The following STPG2 variants were observed in gnomAD, a reference collection of about 807,000 sequenced individuals.
STPG2 encodes sperm-tail PG-rich repeat-containing protein 2.
Under a neutral mutation model 54.2 loss-of-function variants are expected in STPG2, and 56 were observed. The observed-to-expected ratio is 1.03, with a 90% CI of 0.83 to 1.29. STPG2 has a LOEUF of 1.29. STPG2 is among the 50% of genes most tolerant of loss of function. The pLI is 0.00. For synonymous variants in STPG2, 200 were observed against 181.8 expected (o/e 1.10, Z -0.81); for missense variants, 596 against 544.9 (o/e 1.09, Z -0.93).
chr4:97,761,212 C>T (rs995891258), intron 9 of STPG2, among the ~76,000 whole-genome samples: 1 of 152,094 alleles, frequency 6.6e-6, no homozygotes, highest in African/African-American at 2.4e-5. Flanking sequence ...TCAGAATGTA[C>T]CTTATTTGGA....
chr4:97,593,660 G>C (rs982693597), intron 10 of STPG2, among the ~76,000 whole-genome samples: 1 of 152,080 alleles, frequency 6.6e-6, no homozygotes, highest in African/African-American at 2.4e-5. Flanking sequence ...CAATGCCCCT[G>C]TACCCCACCA....
At chr4:97,522,022 T>G (rs1731190440) in intron 4 of STPG2, among the ~76,000 whole-genome samples, 1 of 151,994 alleles carries the variant, frequency 6.6e-6, no homozygotes, top group Non-Finnish European at 1.5e-5. Context: ...AATGCCAAAG[T>G]AAATATGCTT....
At chr4:97,895,838 A>C (rs554723681) in intron 8 of STPG2, among the ~76,000 whole-genome samples, 8 of 151,890 alleles carry the variant, frequency 5.3e-5, no homozygotes, top group Non-Finnish European at 1.2e-4. Context: ...GAGGTTTATA[A>C]AATAATTCCC....
At chr4:97,740,208 G>A (rs544782043) in intron 9 of STPG2, among the ~76,000 whole-genome samples, 5 of 152,034 alleles carry the variant, frequency 3.3e-5, no homozygotes, top group Admixed American at 2.0e-4. Context: ...TTGATGGGAC[G>A]TATCTCAAAA....
intron 8 of STPG2, among the ~76,000 whole-genome samples, chr4:97,899,008 A>AT (rs1731066733): frequency 6.6e-6 from 1 of 151,694 alleles, no homozygotes; most frequent in Non-Finnish European, 1.5e-5. Context: ...GGGCATCCAA[A>AT]AGGAACAGAG....
intron 3 of STPG2, among the ~76,000 whole-genome samples, chr4:98,123,445 AC>A (rs1739741939): frequency 6.6e-6 from 1 of 152,130 alleles, no homozygotes; most frequent in Non-Finnish European, 1.5e-5. Context: ...TTCATTATTT[AC>A]CCAGGAGTCA....
chr4:97,749,499 T>C (rs1209485223), intron 9 of STPG2, among the ~76,000 whole-genome samples: 1 of 151,722 alleles, frequency 6.6e-6, no homozygotes, highest in East Asian at 1.9e-4. Flanking sequence ...TTAATGAAAA[T>C]TATAAATGAA....
At chr4:97,905,818 C>G (rs539928009) in intron 8 of STPG2, among the ~76,000 whole-genome samples, 3 of 151,862 alleles carry the variant, frequency 2.0e-5, no homozygotes, top group African/African-American at 7.3e-5. Context: ...TTGAAACCAA[C>G]GAGAACAAAG....
intron 8 of STPG2, among the ~76,000 whole-genome samples, chr4:97,887,879 G>C (rs1407898786): frequency 6.6e-6 from 1 of 152,208 alleles, no homozygotes; most frequent in Non-Finnish European, 1.5e-5. Context: ...CCACTGCCCT[G>C]TGCAGCCTTG....
At chr4:98,136,404 C>T (rs1019582592) in intron 1 of STPG2, among the ~76,000 whole-genome samples, 2 of 151,162 alleles carry the variant, frequency 1.3e-5, no homozygotes, top group African/African-American at 4.9e-5. Flanking sequence ...AGAACACTTA[C>T]ATTAGCCTAA....
At chr4:97,621,954 A>G (rs1292396519) in intron 10 of STPG2, among the ~76,000 whole-genome samples, 1 of 152,222 alleles carries the variant, frequency 6.6e-6, no homozygotes, top group Non-Finnish European at 1.5e-5. Context: ...TATCCTTGGG[A>G]TGCAAATTTG....
chr4:97,945,741 GT>G (rs1464259173), intron 7 of STPG2, among the ~76,000 whole-genome samples: 1 of 151,864 alleles, frequency 6.6e-6, no homozygotes. Flanking sequence ...TTGTTTATTG[GT>G]TTTTGTTCGT....
At chr4:97,552,732 G>T (rs530460938) in intron 4 of STPG2, among the ~76,000 whole-genome samples, 1 of 151,930 alleles carries the variant, frequency 6.6e-6, no homozygotes, top group South Asian at 2.1e-4. Flanking sequence ...AAACTCTAAT[G>T]TAAAGAAAAA....
chr4:97,930,728 G>A (rs750534347), intron 8 of STPG2, among the ~76,000 whole-genome samples: 12 of 152,082 alleles, frequency 7.9e-5, no homozygotes, highest in Non-Finnish European at 8.8e-5. Flanking sequence ...GTCACTGGTA[G>A]TTTCATAGAA....
At chr4:97,855,116 T>G (rs909625582) in intron 8 of STPG2, among the ~76,000 whole-genome samples, 2 of 152,212 alleles carry the variant, frequency 1.3e-5, no homozygotes, top group African/African-American at 4.8e-5. Flanking sequence ...TACTCCATGG[T>G]GTATATGTAC....
chr4:97,584,877 T>C lies in STPG2; in HGVS notation c.1321-25760A>G, dbSNP rs560993312. ...AAGATTAAAATAGTAATAACAAAAA[T>C]TGCCAACAAAAAAAGTCCAGAACCA... On this transcript the variant is annotated intron_variant, in intron 10 of 10. Coordinates refer to ENST00000295268, the MANE Select transcript of STPG2 (RefSeq NM_174952.3). Among the ~76,000 whole-genome samples the C allele has an allele frequency of 3.3e-5, 5 of 151,456 alleles. No individual in the cohort carries two copies. The East Asian group carries it at 9.7e-4, about 29-fold the overall frequency.
rs1229632053 is a variant in STPG2 at position 98,018,885 on chromosome 4, T to C, written c.613-37567A>G. Among the ~76,000 whole-genome samples, 24 of 151,888 alleles carry C rather than the reference T, an allele frequency of 1.6e-4. 1 individual carries two copies. Among genetic ancestry groups the C allele is most frequent in the Middle Eastern group, 6.8e-3 (2 of 294 alleles). On this transcript the variant is annotated intron_variant, in intron 5 of 10. Coordinates refer to ENST00000295268, the MANE Select transcript of STPG2 (RefSeq NM_174952.3). ...GGGTTGTTTGTTTTTTTTTTGTAAA[T>C]TTGTTTGAGTTCATTGTAGATTCTG...
At chr4:98,027,480 A>G (rs539543654) in intron 5 of STPG2, among the ~76,000 whole-genome samples, 1 of 152,330 alleles carries the variant, frequency 6.6e-6, no homozygotes, top group East Asian at 1.9e-4. Context: ...AAAAATAAAA[A>G]TCAGATATGG....
chr4:97,646,942 G>A (rs574984426), intron 10 of STPG2, among the ~76,000 whole-genome samples: 17 of 152,044 alleles, frequency 1.1e-4, no homozygotes, highest in African/African-American at 2.7e-4. Context: ...GTCATTAGGC[G>A]TCTCGATAAG....
Sources: allele counts gnomAD v4.1 joint callset (sites outside exome capture counted in the v4.1 genomes callset), GRCh38; gene constraint gnomAD v4.1.1; transcripts MANE v1.5; gene names NCBI Gene and HGNC (gene_info 2026-07-23, HGNC 2026-07-21).